Variants in SLC26A5 observed in about 807,000 individuals in gnomAD.
SLC26A5 encodes the protein prestin.
In SLC26A5, 51 loss-of-function variants were observed where a neutral mutation model predicts 81.0. The ratio of observed to expected loss-of-function variants is 0.63; its 90% CI spans 0.50 to 0.80. The LOEUF is 0.80. Ranked by LOEUF, SLC26A5 falls within the 30% of genes least tolerant of loss-of-function variation. The pLI, the probability that SLC26A5 is intolerant of heterozygous loss-of-function variation, is 0.00. For synonymous variants in SLC26A5, 325 were observed against 332.8 expected (o/e 0.98, Z 0.25); for missense variants, 771 against 905.8 (o/e 0.85, Z 1.91).
At chr7:103,412,892 A>C in intron 5 of SLC26A5, 110 bp downstream of exon 5, 5 of 847,122 alleles carry the variant, frequency 5.9e-6, no homozygotes, top group Non-Finnish European at 7.8e-6. Context: ...TGCAGTAACA[A>C]AAGTTGTTAT....
chr7:103,365,848 A>C (rs1283601745), intron 19 of SLC26A5, among the ~76,000 whole-genome samples: 1 of 152,134 alleles, frequency 6.6e-6, no homozygotes, highest in Non-Finnish European at 1.5e-5. Flanking sequence ...GAATCGCTTG[A>C]ACCCAGGCGG....
intron 14 of SLC26A5, among the ~76,000 whole-genome samples, 196 bp from the exon 15 acceptor site, chr7:103,380,745 C>T (rs1763367356): frequency 6.6e-6 from 1 of 151,776 alleles, no homozygotes; most frequent in Non-Finnish European, 1.5e-5. Context: ...ACCCCACACA[C>T]CTCATGCCAC....
At chr7:103,354,723 T>C (rs1376957214) in intron 19 of SLC26A5, 1 of 596,748 alleles carries the variant, frequency 1.7e-6, no homozygotes, top group Non-Finnish European at 3.0e-6. Context: ...TAGGGGGAAA[T>C]ATTGGGTCAG....
At chr7:103,443,944 C>G (rs555878161) in intron 1 of SLC26A5, among the ~76,000 whole-genome samples, 14 of 152,210 alleles carry the variant, frequency 9.2e-5, no homozygotes, top group African/African-American at 3.1e-4. Context: ...GGGTAAGTCC[C>G]TAGTGTCCTC....
intron 14 of SLC26A5, among the ~76,000 whole-genome samples, chr7:103,381,377 T>C (rs1423548619): frequency 6.7e-6 from 1 of 148,584 alleles, no homozygotes; most frequent in African/African-American, 2.5e-5. Flanking sequence ...ATCACATACA[T>C]ACACACAATG....
chr7:103,388,028 G>C (rs1822334822), intron 14 of SLC26A5, among the ~76,000 whole-genome samples: 1 of 151,868 alleles, frequency 6.6e-6, no homozygotes, highest in South Asian at 2.1e-4. Context: ...TCTTTATGGT[G>C]ATTTATCACA....
Position 103,392,901 on chromosome 7 carries a change from G to A in SLC26A5, c.1119+18C>T. On this transcript the variant is annotated intron_variant, in intron 10 of 19. Coordinates refer to ENST00000306312, the MANE Select transcript of SLC26A5 (RefSeq NM_198999.3). ...TTGTACTGCTATGAAACATGTGCAG[G>A]AAACTGATTATCTTTACCTGATTGC... The A allele has an allele frequency of 6.2e-7, 1 of 1,613,898 alleles. No homozygotes were observed. The highest frequency in any genetic ancestry group is 8.5e-7 in the Non-Finnish European group (1 of 1,179,798).
At chr7:103,405,159 AC>A (rs1823938939) in intron 8 of SLC26A5, among the ~76,000 whole-genome samples, 1 of 152,030 alleles carries the variant, frequency 6.6e-6, no homozygotes, top group Non-Finnish European at 1.5e-5. Context: ...GTTTGTTATT[AC>A]CCACCTTCTG....
intron 18 of SLC26A5, among the ~76,000 whole-genome samples, chr7:103,377,376 G>C (rs1384494671): frequency 6.6e-6 from 1 of 152,162 alleles, no homozygotes; most frequent in Non-Finnish European, 1.5e-5. Context: ...CAGCTATAAA[G>C]GAAACCAGAT....
intron 19 of SLC26A5, among the ~76,000 whole-genome samples, chr7:103,365,842 C>T (rs937841808): frequency 1.3e-5 from 2 of 152,030 alleles, no homozygotes; most frequent in Non-Finnish European, 2.9e-5. Flanking sequence ...GTAGGGGAAT[C>T]GCTTGAACCC....
At chr7:103,425,410 G>A (rs904056396) in intron 2 of SLC26A5, among the ~76,000 whole-genome samples, 1 of 152,170 alleles carries the variant, frequency 6.6e-6, no homozygotes, top group African/African-American at 2.4e-5. Flanking sequence ...TTTCTTTATA[G>A]CATCCTAAGA....
intron 19 of SLC26A5, chr7:103,355,855 A>G: frequency 1.7e-6 from 2 of 1,174,998 alleles, no homozygotes; most frequent in Non-Finnish European, 2.5e-6. Context: ...TTAATGTTAG[A>G]GTCTCAGGGA....
intron 4 of SLC26A5, among the ~76,000 whole-genome samples, chr7:103,415,434 C>T (rs558706168): frequency 6.6e-6 from 1 of 152,176 alleles, no homozygotes; most frequent in Non-Finnish European, 1.5e-5. Context: ...CCCACCCCCA[C>T]TTCTGGCAGG....
intron 19 of SLC26A5, among the ~76,000 whole-genome samples, chr7:103,361,205 C>T (rs868448703): frequency 4.6e-5 from 7 of 151,686 alleles, no homozygotes; most frequent in South Asian, 2.1e-4. Context: ...ATTTAAAGTC[C>T]GGGTGTGGTG....
chr7:103,392,602 G>A (rs1199015894), intron 10 of SLC26A5, among the ~76,000 whole-genome samples: 3 of 152,164 alleles, frequency 2.0e-5, no homozygotes, highest in South Asian at 4.1e-4. Flanking sequence ...TTCTGAGGCA[G>A]AGTCTCGCTC....
At position 103,398,008 on chromosome 7, in the gene SLC26A5, T is replaced by A. The variant is rs771058832; in HGVS notation, c.895A>T (p.Met299Leu). The change falls in exon 9 of 20, where the codon ATG becomes TTG. Residue 299 changes from methionine to leucine, a missense_variant. Coordinates refer to ENST00000306312, the MANE Select transcript of SLC26A5 (RefSeq NM_198999.3). ...PIPLEFFAVVMGTGISAGFNL... is the reference protein window; with the variant it reads ...PIPLEFFAVVLGTGISAGFNL... Reference sequence around the variant, plus strand: ...AACCCAGCTGAAATGCCAGTTCCCATTACGACCTAAAAAGACACAAATCCA... The same window carrying A: ...AACCCAGCTGAAATGCCAGTTCCCAATACGACCTAAAAAGACACAAATCCA... The A allele has an allele frequency of 1.2e-6, 2 of 1,613,866 alleles. No individual in the cohort carries two copies. The highest frequency in any genetic ancestry group is 3.3e-5 in the Admixed American group (2 of 60,016).
intron 7 of SLC26A5, among the ~76,000 whole-genome samples, 157 bp downstream of exon 7, chr7:103,410,228 C>G (rs1421737137): frequency 6.6e-6 from 1 of 152,096 alleles, no homozygotes; most frequent in Non-Finnish European, 1.5e-5. Flanking sequence ...TTGTAACACT[C>G]TTTTCAGAAA....
chr7:103,372,368 T>C (rs1006335628), downstream of SLC26A5, among the ~76,000 whole-genome samples: 1 of 152,204 alleles, frequency 6.6e-6, no homozygotes, highest in Admixed American at 6.5e-5. Context: ...CCTGGCAGTA[T>C]CTTATTCATG....
At chr7:103,415,846 C>T (rs560092489) in intron 4 of SLC26A5, among the ~76,000 whole-genome samples, 6 of 152,228 alleles carry the variant, frequency 3.9e-5, no homozygotes, top group African/African-American at 1.4e-4. Flanking sequence ...GTATTTCATT[C>T]CTGGGGATTA....
Sources: allele counts gnomAD v4.1 joint callset (sites outside exome capture counted in the v4.1 genomes callset), GRCh38; gene constraint gnomAD v4.1.1; transcripts MANE v1.5; gene names NCBI Gene and HGNC (gene_info 2026-07-23, HGNC 2026-07-21).